GRM8: variants seen among roughly 807,000 people sequenced by gnomAD.
GRM8 encodes metabotropic glutamate receptor 8.
In GRM8, 47 loss-of-function variants were observed where a neutral mutation model predicts 87.2. The ratio of observed to expected loss-of-function variants is 0.54; its 90% CI spans 0.43 to 0.69. The LOEUF (loss-of-function observed/expected upper bound fraction) is 0.69, where lower values mean the gene tolerates loss of function less well. Ranked by LOEUF, GRM8 falls within the 30% of genes least tolerant of loss-of-function variation. GRM8 has a pLI of 0.00. For missense variants in GRM8, 1,019 were observed against 1,139.2 expected (o/e 0.89, Z 1.52); for synonymous variants, 396 against 404.5 (o/e 0.98, Z 0.25).
At chr7:126,891,872 G>T (rs1801044621) in intron 6 of GRM8, among the ~76,000 whole-genome samples, 1 of 151,688 alleles carries the variant, frequency 6.6e-6, no homozygotes, top group African/African-American at 2.4e-5. Context: ...GCTTGAAAAA[G>T]AGCAGAAAAT....
At chr7:127,228,761 G>A (rs1797501055) in intron 2 of GRM8, 2 of 152,028 alleles carry the variant, frequency 1.3e-5, no homozygotes, top group African/African-American at 4.8e-5. Context: ...TGAAAACCAT[G>A]GAACTCTACT....
At chr7:126,707,494 T>A (rs117451457) in intron 7 of GRM8, among the ~76,000 whole-genome samples, 17 of 152,266 alleles carry the variant, frequency 1.1e-4, no homozygotes, top group Non-Finnish European at 2.4e-4. Context: ...TTAACTAGAC[T>A]TTCTTTTCTT....
At chr7:126,643,290 CAAAAAAAAAAAAAA>C (rs1157527693) in intron 7 of GRM8, among the ~76,000 whole-genome samples, 2 of 20,124 alleles carry the variant, frequency 9.9e-5, no homozygotes, top group South Asian at 3.0e-3. Context: ...GAACTTGTCT[CAAAAAAAAAAAAAA>C]AAAAAAAAAA....
intron 7 of GRM8, among the ~76,000 whole-genome samples, chr7:126,639,350 C>T (rs1031107606): frequency 1.3e-5 from 2 of 152,160 alleles, no homozygotes; most frequent in African/African-American, 4.8e-5. Flanking sequence ...AGATGCTTAA[C>T]AACCATTTAT....
chr7:126,757,346 GGTTT>G (rs1373477318), intron 7 of GRM8, among the ~76,000 whole-genome samples: 3 of 151,958 alleles, frequency 2.0e-5, no homozygotes, highest in African/African-American at 4.8e-5. Flanking sequence ...AGGATTTGGG[GGTTT>G]GTTTTGGTGT....
At chr7:127,188,098 A>C (rs1794830512) in intron 2 of GRM8, among the ~76,000 whole-genome samples, 2 of 152,218 alleles carry the variant, frequency 1.3e-5, no homozygotes, top group South Asian at 4.1e-4. Flanking sequence ...TTTCTTTGAC[A>C]TGCAATAGCA....
rs537451255 is a variant in GRM8, at chr7:127,069,467, A to T, written c.727+37029T>A. On this transcript the variant is annotated intron_variant, in intron 3 of 10. Coordinates refer to ENST00000339582, the MANE Select transcript of GRM8 (RefSeq NM_000845.3). ...GCATAAGCCACTGTGCCTGGCCAAT[A>T]ACAAATATTTTAATTTAAAAAAAAA... is the stretch of plus-strand genomic sequence containing the variant. 1.1e-4 allele frequency among the ~76,000 whole-genome samples: 17 copies of T among 148,712 alleles called. No homozygotes were observed. The South Asian group carries it at 3.5e-3, about 30-fold the overall frequency.
intron 6 of GRM8, among the ~76,000 whole-genome samples, chr7:126,788,635 TTC>T (rs1178929978): frequency 3.3e-5 from 5 of 151,976 alleles, no homozygotes; most frequent in African/African-American, 9.7e-5. Context: ...GAAGAATGAA[TTC>T]TGTTTCCTCT....
At chr7:126,694,886 C>G (rs558198301) in intron 7 of GRM8, among the ~76,000 whole-genome samples, 6 of 152,304 alleles carry the variant, frequency 3.9e-5, no homozygotes, top group African/African-American at 1.4e-4. Context: ...ATGTGGCCAA[C>G]AACAATGGTC....
chr7:126,842,271 A>G (rs1796342738), intron 6 of GRM8, among the ~76,000 whole-genome samples: 1 of 152,184 alleles, frequency 6.6e-6, no homozygotes, highest in African/African-American at 2.4e-5. Flanking sequence ...GATGTTTAAG[A>G]GGCAATAGGA....
intron 3 of GRM8, among the ~76,000 whole-genome samples, chr7:126,935,648 A>G (rs1410897824): frequency 6.6e-6 from 1 of 152,260 alleles, no homozygotes; most frequent in Non-Finnish European, 1.5e-5. Flanking sequence ...ACAGGTGTGC[A>G]CACTAGCAAG....
At chr7:127,048,420 C>A (rs1819151723) in intron 3 of GRM8, among the ~76,000 whole-genome samples, 1 of 152,162 alleles carries the variant, frequency 6.6e-6, no homozygotes, top group South Asian at 2.1e-4. Flanking sequence ...AATGAGAAGC[C>A]ACTGAAAGAT....
At chr7:126,916,943 A>G (rs1197761896) in intron 3 of GRM8, among the ~76,000 whole-genome samples, 1 of 152,238 alleles carries the variant, frequency 6.6e-6, no homozygotes, top group Admixed American at 6.5e-5. Flanking sequence ...GATTTGATCC[A>G]TGTGTTTAGT....
chr7:126,995,015 G>T (rs1813043235), intron 3 of GRM8, among the ~76,000 whole-genome samples: 1 of 152,156 alleles, frequency 6.6e-6, no homozygotes, highest in Non-Finnish European at 1.5e-5. Flanking sequence ...CTTGAATCAT[G>T]CCATCCCCAG....
chr7:126,456,463 T>C (rs983283823), intron 9 of GRM8, among the ~76,000 whole-genome samples: 5 of 142,528 alleles, frequency 3.5e-5, no homozygotes, highest in African/African-American at 1.3e-4. Context: ...GGGTATTTTA[T>C]ACCTTTTTTT....
intron 7 of GRM8, among the ~76,000 whole-genome samples, chr7:126,622,462 A>C (rs1448740548): frequency 6.6e-6 from 1 of 152,012 alleles, no homozygotes; most frequent in African/African-American, 2.4e-5. Context: ...GAGAAAAGAC[A>C]GCAATACAAA....
At chr7:127,099,286 C>A (rs1008480810) in intron 3 of GRM8, among the ~76,000 whole-genome samples, 3 of 152,088 alleles carry the variant, frequency 2.0e-5, no homozygotes, top group African/African-American at 7.2e-5. Context: ...AGGTCTTAAC[C>A]AGCAGCAACT....
intron 6 of GRM8, among the ~76,000 whole-genome samples, chr7:126,802,024 G>A (rs920974453): frequency 6.6e-6 from 1 of 152,086 alleles, no homozygotes; most frequent in Admixed American, 6.6e-5. Flanking sequence ...ATAGCTCTAC[G>A]TTTCCCTTGT....
At chr7:127,073,492 G>T (rs908694346) in intron 3 of GRM8, among the ~76,000 whole-genome samples, 1 of 152,134 alleles carries the variant, frequency 6.6e-6, no homozygotes, top group African/African-American at 2.4e-5. Flanking sequence ...GAAAATGAAA[G>T]TACAGGCTCT....
Sources: gnomAD v4.1 joint callset for allele counts (sites outside exome capture counted in the v4.1 genomes callset) on GRCh38, gnomAD v4.1.1 for gene constraint, MANE v1.5 for transcripts, NCBI Gene and HGNC (gene_info 2026-07-23, HGNC 2026-07-21) for gene names.